Variants in LDB2 observed in about 807,000 individuals in gnomAD.
LDB2 encodes LIM domain-binding protein 2.
In LDB2, 12 loss-of-function variants were observed where a neutral mutation model predicts 44.3. The observed-to-expected ratio is 0.27, with a 90% CI of 0.17 to 0.44. The LOEUF (loss-of-function observed/expected upper bound fraction) is 0.44, where lower values mean the gene tolerates loss of function less well. LDB2 is among the 20% of genes least tolerant of loss of function. The pLI is 1.00. For missense variants in LDB2, 344 were observed against 473.5 expected (o/e 0.73, Z 2.54); for synonymous variants, 164 against 174.8 (o/e 0.94, Z 0.49).
intron 2 of LDB2, among the ~76,000 whole-genome samples, chr4:16,752,054 G>A (rs1380139777): frequency 6.6e-6 from 1 of 152,158 alleles, no homozygotes. Flanking sequence ...ATAAATGCAT[G>A]GTCCAGGGTC....
At chr4:16,852,928 A>G (rs1017427333) in intron 1 of LDB2, among the ~76,000 whole-genome samples, 2 of 152,180 alleles carry the variant, frequency 1.3e-5, no homozygotes, top group East Asian at 3.9e-4. Context: ...AAAAAGAAAG[A>G]TCACTTTAAG....
intron 2 of LDB2, among the ~76,000 whole-genome samples, chr4:16,745,098 A>G (rs748351636): frequency 2.0e-5 from 3 of 152,216 alleles, no homozygotes; most frequent in Non-Finnish European, 4.4e-5. Context: ...CGTGATTTGA[A>G]GCCAAGCTTG....
At chr4:16,673,299 C>T (rs544709134) in intron 2 of LDB2, among the ~76,000 whole-genome samples, 1 of 152,198 alleles carries the variant, frequency 6.6e-6, no homozygotes, top group Non-Finnish European at 1.5e-5. Flanking sequence ...TATGCACACA[C>T]TAAACTGAGA....
At chr4:16,623,741 T>G (rs1729522059) in intron 2 of LDB2, among the ~76,000 whole-genome samples, 1 of 150,918 alleles carries the variant, frequency 6.6e-6, no homozygotes, top group Admixed American at 6.7e-5. Context: ...GCTTGAAAGC[T>G]GCTTAAAGTG....
chr4:16,885,004 G>T (rs1310965542), intron 1 of LDB2, among the ~76,000 whole-genome samples: 1 of 152,004 alleles, frequency 6.6e-6, no homozygotes, highest in Non-Finnish European at 1.5e-5. Flanking sequence ...TAATCTTATT[G>T]TACAACCTAT....
At chr4:16,774,480 C>T (rs1432734145) in intron 1 of LDB2, among the ~76,000 whole-genome samples, 1 of 152,108 alleles carries the variant, frequency 6.6e-6, no homozygotes, top group Non-Finnish European at 1.5e-5. Context: ...ATGGAGTCAC[C>T]ATCTTCTTTG....
At chr4:16,562,266 A>G (rs949332655) in intron 5 of LDB2, among the ~76,000 whole-genome samples, 1 of 152,224 alleles carries the variant, frequency 6.6e-6, no homozygotes, top group African/African-American at 2.4e-5. Flanking sequence ...AGAAACTACC[A>G]TCAGAGTGAA....
intron 2 of LDB2, among the ~76,000 whole-genome samples, chr4:16,721,948 A>G (rs1758379842): frequency 6.6e-6 from 1 of 152,180 alleles, no homozygotes; most frequent in South Asian, 2.1e-4. Context: ...TTTCAAATTC[A>G]TTTTCATTTT....
At chr4:16,645,003 C>G (rs1305433043) in intron 2 of LDB2, among the ~76,000 whole-genome samples, 1 of 152,138 alleles carries the variant, frequency 6.6e-6, no homozygotes, top group Non-Finnish European at 1.5e-5. Context: ...AAGTTGGAAA[C>G]AGAAAAACTC....
At chr4:16,701,685 G>C (rs905031980) in intron 2 of LDB2, among the ~76,000 whole-genome samples, 2 of 152,208 alleles carry the variant, frequency 1.3e-5, no homozygotes, top group South Asian at 2.1e-4. Flanking sequence ...ACTTCTGGGG[G>C]CAGCTGCAGC....
chr4:16,561,123 C>T (rs1219293188), intron 5 of LDB2, among the ~76,000 whole-genome samples: 8 of 152,028 alleles, frequency 5.3e-5, no homozygotes, highest in African/African-American at 1.7e-4. Context: ...ACTGAATGGG[C>T]AAAAACTGGA....
At chr4:16,809,903 A>C (rs1244436301) in intron 1 of LDB2, among the ~76,000 whole-genome samples, 1 of 152,156 alleles carries the variant, frequency 6.6e-6, no homozygotes, top group Non-Finnish European at 1.5e-5. Context: ...GCTTTAATAC[A>C]CTCGGCGGTA....
chr4:16,886,141 C>T (rs988816729), intron 1 of LDB2, among the ~76,000 whole-genome samples: 4 of 151,944 alleles, frequency 2.6e-5, no homozygotes, highest in African/African-American at 7.3e-5. Flanking sequence ...ATCACTTGAG[C>T]TCAGGAGGTC....
At chr4:16,766,860 T>G (rs1450624695) in intron 1 of LDB2, among the ~76,000 whole-genome samples, 2 of 152,266 alleles carry the variant, frequency 1.3e-5, no homozygotes, top group East Asian at 3.9e-4. Flanking sequence ...ATGCACTGAA[T>G]AGATATGCGG....
chr4:16,768,549 A>C (rs1769877483), intron 1 of LDB2, among the ~76,000 whole-genome samples: 1 of 138,812 alleles, frequency 7.2e-6, no homozygotes, highest in South Asian at 2.2e-4. Context: ...GAAAGAAGAC[A>C]AAAAAAAAAT....
intron 5 of LDB2, among the ~76,000 whole-genome samples, chr4:16,518,125 C>T (rs28592696): frequency 0.19 from 29,646 of 152,146 alleles, 3,141 homozygotes; most frequent in South Asian, 0.29. Flanking sequence ...TCCCAGGATT[C>T]CTGCCTTTTC....
At chr4:16,646,443 G>A (rs1289508272) in intron 2 of LDB2, among the ~76,000 whole-genome samples, 1 of 152,124 alleles carries the variant, frequency 6.6e-6, no homozygotes, top group Admixed American at 6.5e-5. Flanking sequence ...AGAAAAACAG[G>A]TAGAGCAAAC....
intron 1 of LDB2, among the ~76,000 whole-genome samples, chr4:16,795,040 A>C (rs1579732597): frequency 6.6e-6 from 1 of 152,224 alleles, no homozygotes; most frequent in South Asian, 2.1e-4. Context: ...AGGCCAGTAG[A>C]GGGCGCTAGG....
At chr4:16,823,504 T>A (rs943345609) in intron 1 of LDB2, among the ~76,000 whole-genome samples, 2 of 152,124 alleles carry the variant, frequency 1.3e-5, no homozygotes, top group African/African-American at 2.4e-5. Flanking sequence ...CATTTTTTTT[T>A]AAAAGGAGAA....
Sources: allele counts gnomAD v4.1 joint callset (sites outside exome capture counted in the v4.1 genomes callset), GRCh38; gene constraint gnomAD v4.1.1; transcripts MANE v1.5; gene names NCBI Gene and HGNC (gene_info 2026-07-23, HGNC 2026-07-21).